The following GALNT11 variants were observed in gnomAD, a reference collection of about 807,000 sequenced individuals.
The protein encoded by GALNT11 is polypeptide N-acetylgalactosaminyltransferase 11.
In GALNT11, 47 loss-of-function variants were observed where a neutral mutation model predicts 72.7. The observed-to-expected ratio is 0.65, with a 90% CI of 0.51 to 0.82. The LOEUF is 0.82. Among genes scored for constraint, GALNT11 ranks in the 40% least tolerant of loss-of-function variants. The pLI, the probability that GALNT11 is intolerant of heterozygous loss-of-function variation, is 0.00. For missense variants in GALNT11, 677 were observed against 778.4 expected (o/e 0.87, Z 1.55); for synonymous variants, 270 against 286.6 (o/e 0.94, Z 0.58).
chr7:152,033,675 C>A (rs1019823095), intron 1 of GALNT11, among the ~76,000 whole-genome samples: 2 of 152,156 alleles, frequency 1.3e-5, no homozygotes, highest in African/African-American at 4.8e-5. Context: ...TTGAATAATT[C>A]ATGGGCTTTT....
intron 1 of GALNT11, among the ~76,000 whole-genome samples, chr7:152,036,896 G>C (rs2082607104): frequency 6.6e-6 from 1 of 152,116 alleles, no homozygotes; most frequent in African/African-American, 2.4e-5. Context: ...TTTGAGAAAT[G>C]TCTATTCAGA....
At chr7:152,105,631 C>T (rs1019190821) in intron 5 of GALNT11, among the ~76,000 whole-genome samples, 1 of 152,136 alleles carries the variant, frequency 6.6e-6, no homozygotes, top group Non-Finnish European at 1.5e-5. Flanking sequence ...ACTTACTGCC[C>T]CTCAAATATA....
intron 8 of GALNT11, among the ~76,000 whole-genome samples, chr7:152,115,111 T>C (rs1351459537): frequency 6.6e-6 from 1 of 152,176 alleles, no homozygotes; most frequent in Non-Finnish European, 1.5e-5. Flanking sequence ...AATTCCATGC[T>C]CATCTCTGAA....
intron 1 of GALNT11, among the ~76,000 whole-genome samples, chr7:152,045,671 C>CT (rs1554418133): frequency 6.6e-6 from 1 of 151,454 alleles, no homozygotes; most frequent in Non-Finnish European, 1.5e-5. Flanking sequence ...TGGGGCTTCT[C>CT]TTTTTTTTCA....
intron 1 of GALNT11, among the ~76,000 whole-genome samples, chr7:152,029,744 G>T (rs750762076): frequency 2.6e-5 from 4 of 152,178 alleles, no homozygotes; most frequent in Non-Finnish European, 5.9e-5. Context: ...TACCCCTTGT[G>T]TCTTTTTTCC....
intron 9 of GALNT11, 56 bp downstream of exon 9, chr7:152,117,431 T>C: frequency 1.3e-6 from 2 of 1,547,560 alleles, no homozygotes; most frequent in Non-Finnish European, 1.8e-6. Context: ...ATGAAAAGTT[T>C]TGAGGTGTCC....
At chr7:152,121,519 A>AT in intron 11 of GALNT11, 27 bp from the exon 12 acceptor site, 2 of 1,600,132 alleles carry the variant, frequency 1.2e-6, no homozygotes, top group African/African-American at 1.3e-5. Context: ...AATTGGCAGT[A>AT]TTTTTTTGTT....
intron 8 of GALNT11, among the ~76,000 whole-genome samples, chr7:152,115,630 C>T (rs1051281993): frequency 3.3e-5 from 5 of 152,034 alleles, no homozygotes; most frequent in South Asian, 2.1e-4. Context: ...TTGGGTAAAA[C>T]GAACTAAATA....
chr7:152,094,459 G>A lies in GALNT11; in HGVS notation c.232G>A (p.Asp78Asn), dbSNP rs142364473. The change falls in exon 2 of 12, where the codon GAT (aspartate) becomes AAT (asparagine). Residue 78 changes from aspartate to asparagine, a missense_variant. Asp to Asn is a conservative substitution (Grantham distance 23). Coordinates refer to ENST00000430044, the MANE Select transcript of GALNT11 (RefSeq NM_022087.4). This position sits in a 1 kb window ranked among gnomAD's most constrained non-coding sequence, Gnocchi z 4.3. Reference protein sequence around the residue: ...EPQFKANKIDDVIDSRVEDPE... With the variant: ...EPQFKANKIDNVIDSRVEDPE... ...ACAGTTCAAAGCAAACAAAATTGAC[G>A]ATGTGATAGACAGTCGTGTTGAAGA... The A allele has an allele frequency of 2.0e-5, 32 of 1,613,996 alleles. No individual in the cohort carries two copies. The highest frequency in any genetic ancestry group is 2.7e-5 in the African/African-American group (2 of 74,912).
At chr7:152,084,187 C>G (rs888154364) in intron 1 of GALNT11, among the ~76,000 whole-genome samples, 1 of 150,478 alleles carries the variant, frequency 6.6e-6, no homozygotes, top group Non-Finnish European at 1.5e-5. Context: ...TTGGGGAACT[C>G]TTTTATGACT....
intron 1 of GALNT11, among the ~76,000 whole-genome samples, chr7:152,041,629 G>T (rs544280579): frequency 8.5e-5 from 13 of 152,176 alleles, no homozygotes; most frequent in Non-Finnish European, 1.8e-4. Flanking sequence ...TTCTATTTGA[G>T]CTTTATGGAC....
intron 8 of GALNT11, among the ~76,000 whole-genome samples, chr7:152,115,431 C>T (rs891218751): frequency 5.9e-5 from 9 of 152,142 alleles, no homozygotes; most frequent in African/African-American, 2.2e-4. Flanking sequence ...TCTCAATGTG[C>T]CTTTTTAGTA....
At chr7:152,028,165 G>A (rs371167993) in intron 1 of GALNT11, among the ~76,000 whole-genome samples, 3 of 152,166 alleles carry the variant, frequency 2.0e-5, no homozygotes, top group African/African-American at 2.4e-5. Context: ...AAGGGGACCC[G>A]AGCAGGTTGC....
chr7:152,045,625 G>T (rs901166348), intron 1 of GALNT11, among the ~76,000 whole-genome samples: 3 of 151,904 alleles, frequency 2.0e-5, no homozygotes, highest in African/African-American at 7.3e-5. Flanking sequence ...GATATTGATT[G>T]TAATGTCTCC....
rs1205005172 is a variant in GALNT11 at position 152,117,375 on chromosome 7, G to A, written c.1452G>A (p.Arg484=). The change falls in exon 9 of 12, where the codon AGG becomes AGA. Residue 484 remains arginine, a splice_region_variant and synonymous_variant. Coordinates refer to ENST00000430044, the MANE Select transcript of GALNT11 (RefSeq NM_022087.4). ...PKRPKVLQRG[R]LYHLQTNKCL... is the part of the protein sequence containing the mutation. Reference sequence around the variant, plus strand: ...GACCCAAAGTCCTTCAACGTGGAAGGGTAAGAAAGCTGTTTTTTCCAAGTG... The same window carrying A: ...GACCCAAAGTCCTTCAACGTGGAAGAGTAAGAAAGCTGTTTTTTCCAAGTG... 1 of 1,613,706 alleles carries A rather than the reference G, an allele frequency of 6.2e-7. No homozygotes were observed. Among genetic ancestry groups the A allele is most frequent in the Non-Finnish European group, 8.5e-7 (1 of 1,179,950 alleles).
intron 1 of GALNT11, among the ~76,000 whole-genome samples, chr7:152,043,110 C>T (rs560376871): frequency 1.3e-3 from 204 of 152,288 alleles, no homozygotes; most frequent in African/African-American, 4.5e-3. Flanking sequence ...TTTCCACATA[C>T]GGCACAATTA....
intron 1 of GALNT11, among the ~76,000 whole-genome samples, chr7:152,070,989 A>G (rs1447087363): frequency 6.6e-6 from 1 of 152,186 alleles, no homozygotes; most frequent in African/African-American, 2.4e-5. Context: ...GGAGTGTGCA[A>G]ATAGGTGTAG....
intron 7 of GALNT11, among the ~76,000 whole-genome samples, chr7:152,111,404 C>T (rs2088180924): frequency 6.6e-6 from 1 of 152,224 alleles, no homozygotes; most frequent in South Asian, 2.1e-4. Context: ...ATCCTCCTGC[C>T]TTAGCTTCCC....
At chr7:152,121,016 G>T in intron 11 of GALNT11, 48 bp downstream of exon 11, 4 of 1,590,914 alleles carry the variant, frequency 2.5e-6, no homozygotes, top group Non-Finnish European at 3.4e-6. Flanking sequence ...GGCCCACAAG[G>T]TTGAGTGAGG....
Sources: allele counts gnomAD v4.1 joint callset (sites outside exome capture counted in the v4.1 genomes callset), GRCh38; gene constraint gnomAD v4.1.1; non-coding constraint Gnocchi (gnomAD v3.1); transcripts MANE v1.5; gene names NCBI Gene and HGNC (gene_info 2026-07-23, HGNC 2026-07-21).